The following RAB13 variants were observed in gnomAD, a reference collection of about 807,000 sequenced individuals.
The protein encoded by RAB13 is RAB13, member RAS oncogene family.
RAB13 carries 15 observed loss-of-function variants against 29.3 expected under a neutral mutation model. That is an observed-to-expected ratio of 0.51 (90% CI 0.34 to 0.79). RAB13 has a LOEUF of 0.79. Ranked by LOEUF, RAB13 falls within the 30% of genes least tolerant of loss-of-function variation. RAB13 has a pLI of 0.01. For synonymous variants in RAB13, 82 were observed against 93.8 expected (o/e 0.87, Z 0.73); for missense variants, 186 against 255.5 (o/e 0.73, Z 1.85).
intron 4 of RAB13, 59 bp downstream of exon 4, chr1:153,983,160 G>T: frequency 1.4e-6 from 2 of 1,434,336 alleles, no homozygotes; most frequent in Non-Finnish European, 2.0e-6. Context: ...CTATCCTGAT[G>T]GACCCCTTCA....
upstream of RAB13, among the ~76,000 whole-genome samples, chr1:153,989,914 TAAA>T (rs977180322): frequency 2.0e-5 from 3 of 150,408 alleles, no homozygotes; most frequent in East Asian, 5.9e-4. Flanking sequence ...AAAATAAAAA[TAAA>T]AAAAAAGAAG....
At chr1:153,988,827 C>G (rs554733345), upstream of RAB13, among the ~76,000 whole-genome samples, 2 of 149,158 alleles carry the variant, frequency 1.3e-5, no homozygotes, top group East Asian at 1.9e-4. Flanking sequence ...GGTCAGGCTG[C>G]TCTCGAACTC....
At chr1:153,982,992 G>C (rs894239833) in intron 4 of RAB13, 184 bp from the exon 5 acceptor site, 3 of 714,286 alleles carry the variant, frequency 4.2e-6, no homozygotes, top group Non-Finnish European at 7.3e-6. Flanking sequence ...GAGCATGGTG[G>C]TGCATGCCTG....
chr1:153,985,987 G>A (rs1024590613), intron 1 of RAB13, 126 bp downstream of exon 1: 210 of 1,479,690 alleles, frequency 1.4e-4, no homozygotes, highest in Middle Eastern at 2.4e-4. Flanking sequence ...CAGAGCCAGG[G>A]GTTGAGGGAC....
chr1:153,986,431 G>A (rs1278916475), upstream of RAB13: 1 of 560,644 alleles, frequency 1.8e-6, no homozygotes, highest in Non-Finnish European at 3.1e-6. Context: ...CTTTTGAGCA[G>A]GCCAAGGCTG....
At chr1:153,989,143 G>A (rs1364945564), upstream of RAB13, among the ~76,000 whole-genome samples, 1 of 128,288 alleles carries the variant, frequency 7.8e-6, no homozygotes. Context: ...TGTTGGCCAC[G>A]CTGGTCTCGA....
chr1:153,989,261 A>ATTATTATTATTC (rs1457030196), upstream of RAB13, among the ~76,000 whole-genome samples: 1 of 132,502 alleles, frequency 7.5e-6, no homozygotes, highest in African/African-American at 2.7e-5. Flanking sequence ...TATTATTATT[A>ATTATTATTATTC]TTATTTGAGA....
At chr1:153,989,239 AATT>A (rs535397163), upstream of RAB13, among the ~76,000 whole-genome samples, 20 of 136,392 alleles carry the variant, frequency 1.5e-4, 1 homozygote, top group South Asian at 2.2e-4. Context: ...GCAAAGAAAA[AATT>A]ATTATTATTA....
chr1:153,982,449 A>G lies in RAB13; in HGVS notation c.481-5T>C, dbSNP rs573012181. 1 of 1,613,652 alleles carries G rather than the reference A, an allele frequency of 6.2e-7. No individual in the cohort carries two copies. Among genetic ancestry groups the G allele is most frequent in the South Asian group, 1.1e-5 (1 of 91,074 alleles). On this transcript the variant is annotated splice_polypyrimidine_tract_variant and splice_region_variant and intron_variant, in intron 6 of 7. Transcript: ENST00000368575. ...CCGGGCCAGGGAACTAAAAGCCTAA[A>G]GTGGGGAACAGAGTCAGTTTGGAGG...
intron 2 of RAB13, 57 bp from the exon 3 acceptor site, chr1:153,983,638 T>A: frequency 1.4e-6 from 2 of 1,426,158 alleles, no homozygotes; most frequent in Admixed American, 3.5e-5. Flanking sequence ...TCCAACGGAA[T>A]AATTCTTCCT....
intron 1 of RAB13, 27 bp from the exon 2 acceptor site, chr1:153,984,808 T>C: frequency 6.2e-7 from 1 of 1,602,748 alleles, no homozygotes; most frequent in Middle Eastern, 1.7e-4. Context: ...TGCACTGAAG[T>C]TGAGACATGC....
upstream of RAB13, among the ~76,000 whole-genome samples, chr1:153,987,030 C>T (rs1278420195): frequency 6.6e-6 from 1 of 152,150 alleles, no homozygotes; most frequent in East Asian, 1.9e-4. Context: ...TATGGGGACC[C>T]ATGTGTGATT....
intron 4 of RAB13, 70 bp from the exon 5 acceptor site, chr1:153,982,878 G>A (rs1649036281): frequency 6.6e-7 from 1 of 1,505,070 alleles, no homozygotes; most frequent in Admixed American, 1.7e-5. Context: ...TGTAATCCCA[G>A]CACTTTGGGA....
Position 153,982,043 on chromosome 1 carries a change from T to C in RAB13, c.*56A>G. ...TGCTATTTCTCCCCTGCTCACTCCCTCTGCCGTTGTCTCCCTCAGGTTCAG... is the reference window on the plus strand; with the variant it reads ...TGCTATTTCTCCCCTGCTCACTCCCCCTGCCGTTGTCTCCCTCAGGTTCAG... On this transcript the variant is annotated 3_prime_UTR_variant, in exon 8 of 8. Coordinates refer to ENST00000368575, the MANE Select transcript of RAB13 (RefSeq NM_002870.5). The C allele has an allele frequency of 6.8e-7, 1 of 1,481,104 alleles. No individual in the cohort carries two copies. The highest frequency in any genetic ancestry group is 9.4e-7 in the Non-Finnish European group (1 of 1,060,210). The allele number at this position is 1,481,104 out of a possible 1,614,324, so 91.7% of individuals were successfully genotyped here.
At chr1:153,985,618 G>A (rs113276597) in intron 1 of RAB13, among the ~76,000 whole-genome samples, 1,637 of 152,226 alleles carry the variant, frequency 0.011, 29 homozygotes, top group African/African-American at 0.037. Context: ...CCAAACCCTT[G>A]TTCAGCTGAG....
intron 1 of RAB13, chr1:153,985,495 AGAGACCCCAAAAG>A: frequency 1.1e-5 from 5 of 436,388 alleles, no homozygotes; most frequent in Non-Finnish European, 1.5e-5. Flanking sequence ...AGGCTGACTC[AGAGACCCCAAAAG>A]TCCCCTCATT....
chr1:153,982,605 A>C lies in RAB13; in HGVS notation c.415-5T>G. 6.2e-7 allele frequency: 1 copy of C among 1,613,270 alleles called. No homozygotes were observed. Among genetic ancestry groups the C allele is most frequent in the Non-Finnish European group, 8.5e-7 (1 of 1,179,244 alleles). ...GATTCCATGCTCTCGAGCCAACTAT[A>C]AGGGGTGAAGTGGGAAGAGAATTGA... On this transcript the variant is annotated splice_polypyrimidine_tract_variant and splice_region_variant and intron_variant, in intron 5 of 7. Coordinates refer to ENST00000368575, the MANE Select transcript of RAB13 (RefSeq NM_002870.5).
At chr1:153,985,565 T>C (rs970237152) in intron 1 of RAB13, among the ~76,000 whole-genome samples, 1 of 152,084 alleles carries the variant, frequency 6.6e-6, no homozygotes, top group Non-Finnish European at 1.5e-5. Flanking sequence ...TCACAGTCCT[T>C]GGGCCACCCT....
intron 1 of RAB13, 135 bp from the exon 2 acceptor site, chr1:153,984,916 G>C: frequency 7.2e-7 from 1 of 1,389,164 alleles, no homozygotes; most frequent in South Asian, 1.7e-5. Flanking sequence ...CAATCTTGTT[G>C]GAAATGCCAA....
Sources: allele counts gnomAD v4.1 joint callset (sites outside exome capture counted in the v4.1 genomes callset), GRCh38; gene constraint gnomAD v4.1.1; transcripts MANE v1.5; gene names NCBI Gene and HGNC (gene_info 2026-07-23, HGNC 2026-07-21).